Variants in MTPAP observed in about 807,000 individuals in gnomAD.
The protein encoded by MTPAP is poly(A) RNA polymerase, mitochondrial.
A neutral mutation model predicts 48.7 loss-of-function variants in MTPAP; 23 were observed. The observed-to-expected ratio is 0.47, with a 90% CI of 0.34 to 0.67. The LOEUF (loss-of-function observed/expected upper bound fraction) is 0.67, where lower values mean the gene tolerates loss of function less well. Among genes scored for constraint, MTPAP ranks in the 30% least tolerant of loss-of-function variants. The pLI, the probability that MTPAP is intolerant of heterozygous loss-of-function variation, is 0.01. For synonymous variants in MTPAP, 257 were observed against 254.1 expected, an observed-to-expected ratio of 1.01 and a Z score of -0.11; for missense variants, 614 against 694.3, an observed-to-expected ratio of 0.88 and a Z score of 1.30.
Position 30,313,732 on chromosome 10 carries a change from G to A in MTPAP, c.1626C>T (p.Thr542=), listed in dbSNP as rs1202323443. Residue 542 remains threonine (T), a synonymous_variant, in exon 9 of 9, where the codon ACC becomes ACT. Transcript: ENST00000263063. ...TTGCAAACTTATTGCTTTTCTTCTTGGTAAAGGACTTTCTGTTTGGAGCAG... is the reference window on the plus strand; with the variant it reads ...TTGCAAACTTATTGCTTTTCTTCTTAGTAAAGGACTTTCTGTTTGGAGCAG... ...LPSAPNRKSF[T]KKKSNKFAIE... The A allele has an allele frequency of 3.1e-6, 5 of 1,614,062 alleles. No homozygotes were observed. The highest frequency in any genetic ancestry group is 4.2e-6 in the Non-Finnish European group (5 of 1,179,998).
At chr10:30,319,557 C>A (rs1840698731) in intron 6 of MTPAP, among the ~76,000 whole-genome samples, 1 of 151,842 alleles carries the variant, frequency 6.6e-6, no homozygotes, top group Non-Finnish European at 1.5e-5. Context: ...TAATGTCCAC[C>A]AAAGTTGAAC....
intron 2 of MTPAP, 139 bp downstream of exon 2, chr10:30,341,329 A>G (rs1429084723): frequency 2.2e-5 from 24 of 1,106,074 alleles, no homozygotes; most frequent in East Asian, 1.6e-4. Context: ...TCATTAAAGA[A>G]ATCTAGATAA....
Position 30,312,429 on chromosome 10 carries a change from C to T in MTPAP, c.*1180G>A, listed in dbSNP as rs143434359. ...TAAAAATACAAAAAAATTGTCCGGG[C>T]GTGGTGGCGGGCACCTATAGTCCCA... On this transcript the variant is annotated 3_prime_UTR_variant, in exon 9 of 9. Transcript: ENST00000263063. The T allele has an allele frequency of 0.018, 2,786 of 151,592 alleles. 30 individuals are homozygous for T. The highest frequency in any genetic ancestry group is 0.027 in the Non-Finnish European group (1,863 of 67,908). 9.4% of individuals were successfully genotyped at this position (151,592 alleles called of 1,614,324 possible). A position where few individuals can be genotyped will look rare whatever the true frequency, so the allele number is the denominator to read the frequency against.
Position 30,341,528 on chromosome 10 carries a change from C to T in MTPAP, c.270G>A (p.Lys90=). 2 of 1,613,912 alleles carry T rather than the reference C, an allele frequency of 1.2e-6. No individual in the cohort carries two copies. Among genetic ancestry groups the T allele is most frequent in the Non-Finnish European group, 1.7e-6 (2 of 1,179,880 alleles). The change falls in exon 2 of 9, where the codon AAG becomes AAA. Residue 90 remains lysine (K), a synonymous_variant. Coordinates refer to ENST00000263063, the MANE Select transcript of MTPAP (RefSeq NM_018109.4). ...IHCPEKISEN[K]FLKYLSQFGP... is the part of the protein sequence containing the mutation. Reference sequence around the variant, plus strand: ...CAAATTGGGATAAATATTTAAGAAACTTGTTTTCACTGATTTTCTCTGGGC... The same window carrying T: ...CAAATTGGGATAAATATTTAAGAAATTTGTTTTCACTGATTTTCTCTGGGC...
chr10:30,349,139 G>C lies in MTPAP; in HGVS notation c.137C>G (p.Pro46Arg). 6.2e-7 allele frequency: 1 copy of C among 1,613,858 alleles called. No individual in the cohort carries two copies. Among genetic ancestry groups the C allele is most frequent in the Admixed American group, 1.7e-5 (1 of 59,994 alleles). Residue 46 changes from proline to arginine, a missense_variant, in exon 1 of 9, where the codon CCT (proline) becomes CGT (arginine). This residue lies in a region of MTPAP where 125 missense variants were observed against 111.5 expected (regional missense o/e 1.12). Transcript: ENST00000263063. Reference protein sequence around the residue: ...VAKDLRRDEQPSGSVETGFED... With the variant: ...VAKDLRRDEQRSGSVETGFED... ...ATCACCTGTCTCCACGCTCCCTGAA[G>C]GCTGCTCGTCTCTCCTAAGGTCTTT...
At chr10:30,338,398 G>A (rs1432665415) in intron 3 of MTPAP, among the ~76,000 whole-genome samples, 3 of 152,136 alleles carry the variant, frequency 2.0e-5, no homozygotes, top group Admixed American at 6.6e-5. Flanking sequence ...AAGAGGCCGG[G>A]CTCGGTGGCT....
intron 1 of MTPAP, among the ~76,000 whole-genome samples, chr10:30,345,775 A>T (rs1021287574): frequency 6.6e-6 from 1 of 152,150 alleles, no homozygotes; most frequent in African/African-American, 2.4e-5. Context: ...GGCCAGGTGC[A>T]GTGGCTCATG....
chr10:30,339,984 C>T, intron 3 of MTPAP: 2 of 529,604 alleles, frequency 3.8e-6, no homozygotes, highest in South Asian at 2.1e-5. Flanking sequence ...AATGTCAAAA[C>T]TCAACATCTA....
chr10:30,321,350 TTG>T (rs1840723115), intron 6 of MTPAP, among the ~76,000 whole-genome samples: 1 of 152,220 alleles, frequency 6.6e-6, no homozygotes, highest in Admixed American at 6.5e-5. Context: ...GATCAATTAG[TTG>T]TAAACACAAA....
At chr10:30,334,418 C>T (rs889273392) in intron 4 of MTPAP, among the ~76,000 whole-genome samples, 2 of 151,952 alleles carry the variant, frequency 1.3e-5, no homozygotes, top group African/African-American at 2.4e-5. Context: ...CCCAGCACTT[C>T]GGGAGGCCAA....
intron 1 of MTPAP, among the ~76,000 whole-genome samples, chr10:30,345,795 C>A (rs1478937429): frequency 6.6e-6 from 1 of 152,004 alleles, no homozygotes; most frequent in Non-Finnish European, 1.5e-5. Flanking sequence ...GCCTGTAATC[C>A]CAGCACTTTG....
At chr10:30,318,489 T>C (rs1840686385) in intron 6 of MTPAP, among the ~76,000 whole-genome samples, 2 of 152,210 alleles carry the variant, frequency 1.3e-5, no homozygotes, top group Admixed American at 6.5e-5. Context: ...CAGTCACATA[T>C]ATTGATGCTC....
At position 30,337,158 on chromosome 10, in the gene MTPAP, C is replaced by T. The variant is rs1392729797; in HGVS notation, c.556-131G>A. On this transcript the variant is annotated intron_variant, in intron 3 of 8. Transcript: ENST00000263063. ...AAATATGCAAAGCCTGGCGCAGTGG[C>T]TCACGCCTGTAATCCCAACATTTTG... 5 of 824,664 alleles carry T rather than the reference C, an allele frequency of 6.1e-6. No homozygotes were observed. The African/African-American group carries it at 8.5e-5, about 14-fold the overall frequency. The allele number at this position is 824,664 out of a possible 1,614,324, so 51.1% of individuals were successfully genotyped here. A position where few individuals can be genotyped will look rare whatever the true frequency, so the allele number is the denominator to read the frequency against.
At chr10:30,325,236 T>C (rs1296495053) in intron 5 of MTPAP, among the ~76,000 whole-genome samples, 2 of 152,184 alleles carry the variant, frequency 1.3e-5, no homozygotes, top group Non-Finnish European at 2.9e-5. Context: ...CTAAAATTTG[T>C]CAAGAAATCA....
At position 30,322,629 on chromosome 10, in the gene MTPAP, A is replaced by G; in HGVS notation, c.993-12T>C. The G allele has an allele frequency of 6.4e-7, 1 of 1,570,022 alleles. No homozygotes were observed. Among genetic ancestry groups the G allele is most frequent in the Non-Finnish European group, 8.7e-7 (1 of 1,146,932 alleles). On this transcript the variant is annotated splice_polypyrimidine_tract_variant and intron_variant, in intron 5 of 8. Transcript: ENST00000263063. ...TTGTCAAGGCAATCCTTCAAAAAAT[A>G]AAAATAAGAAAAATGTTCAAATCCC...
intron 4 of MTPAP, among the ~76,000 whole-genome samples, chr10:30,328,976 T>C (rs927013425): frequency 1.3e-5 from 2 of 151,980 alleles, no homozygotes; most frequent in Non-Finnish European, 2.9e-5. Context: ...ATAGGCTGCC[T>C]GTGGTGGCTG....
chr10:30,334,322 TATG>T lies in MTPAP; in HGVS notation c.780+2478_780+2480del, dbSNP rs567689706. ...AGGCACAGAACAACTGTTTGATCAT[TATG>T]ATATTTACAAGTGCCTTCTATTACT... On this transcript the variant is annotated intron_variant, in intron 4 of 8. Transcript: ENST00000263063. Among the ~76,000 whole-genome samples the T allele has an allele frequency of 6.3e-4, 96 of 152,254 alleles. 2 individuals are homozygous for T. The highest frequency in any genetic ancestry group is 2.2e-3 in the African/African-American group (90 of 41,534).
chr10:30,337,173 C>A, intron 3 of MTPAP, 146 bp from the exon 4 acceptor site: 1 of 776,298 alleles, frequency 1.3e-6, no homozygotes. Flanking sequence ...GCCTGTAATC[C>A]CAACATTTTG....
chr10:30,315,819 T>C, intron 8 of MTPAP, 144 bp downstream of exon 8: 1 of 933,336 alleles, frequency 1.1e-6, no homozygotes. Flanking sequence ...ATGTAACTTC[T>C]CTGGACATCA....
Sources: gnomAD v4.1 joint callset for allele counts (sites outside exome capture counted in the v4.1 genomes callset) on GRCh38, gnomAD v4.1.1 for gene constraint, gnomAD v4.1.1 regional missense constraint, MANE v1.5 for transcripts, NCBI Gene and HGNC (gene_info 2026-07-23, HGNC 2026-07-21) for gene names.